The following CA12 variants were observed in gnomAD, a reference collection of about 807,000 sequenced individuals.
The protein encoded by CA12 is carbonic anhydrase 12.
CA12 carries 36 observed loss-of-function variants against 46.8 expected under a neutral mutation model. That is an observed-to-expected ratio of 0.77 (90% confidence interval 0.59 to 1.02). CA12 has a LOEUF of 1.02. Among genes scored for constraint, CA12 ranks in the 50% least tolerant of loss-of-function variants. CA12 has a pLI of 0.00. For missense variants in CA12, 436 were observed against 451.4 expected (o/e 0.97, Z 0.31); for synonymous variants, 202 against 187.0 (o/e 1.08, Z -0.65).
Position 63,325,954 on chromosome 15 carries a change from G to T in CA12, c.*331C>A. On this transcript the variant is annotated 3_prime_UTR_variant, in exon 11 of 11. Transcript: ENST00000178638. The surrounding 1 kb of genome is among the most constrained non-coding windows in gnomAD (Gnocchi z 4.9). ...AGCACGCTCTGGCAAAGCCCCGGAT[G>T]AAAGTGTTTTCCAACCATTAATGGC... The T allele has an allele frequency of 2.9e-6, 1 of 344,378 alleles. No individual in the cohort carries two copies. The highest frequency in any genetic ancestry group is 3.2e-5 in the South Asian group (1 of 30,792). The allele number at this position is 344,378 out of a possible 1,614,324, so 21.3% of individuals were successfully genotyped here. A position where few individuals can be genotyped will look rare whatever the true frequency, so the allele number is the denominator to read the frequency against.
rs1294971117 is a variant in CA12, at chr15:63,340,341, G to T, written c.694C>A (p.Pro232Thr). 6 of 1,614,048 alleles carry T rather than the reference G, an allele frequency of 3.7e-6. No homozygotes were observed. The highest frequency in any genetic ancestry group is 4.2e-6 in the Non-Finnish European group (5 of 1,180,038). ...RGSLTTPPCN[P>T]TVLWTVFRNP... ...CGGAAAACTGTCCAGAGCACAGTGG[G>T]GTTGCAAGGGGGTGTGGTCAGGGAC... Residue 232 changes from proline to threonine, a missense_variant, in exon 7 of 11, where the codon CCC (proline) becomes ACC (threonine). Coordinates refer to ENST00000178638, the MANE Select transcript of CA12 (RefSeq NM_001218.5). The surrounding 1 kb of genome is among the most constrained non-coding windows in gnomAD (Gnocchi z 4.4).
At position 63,340,089 on chromosome 15, in the gene CA12, A is replaced by T; in HGVS notation, c.747+199T>A. On this transcript the variant is annotated intron_variant, in intron 7 of 10. Transcript: ENST00000178638. The surrounding 1 kb of genome is among the most constrained non-coding windows in gnomAD (Gnocchi z 4.4). The stretch of plus-strand genomic sequence containing the variant: ...TTTAAAAAAGAACTAGGAGACATCT[A>T]TTCATTTGCCTAGCTTGACTTCTTT... 3.1e-6 allele frequency: 2 copies of T among 652,516 alleles called. No individual in the cohort carries two copies. Among genetic ancestry groups the T allele is most frequent in the South Asian group, 3.6e-5 (2 of 55,486 alleles). The allele number at this position is 652,516 out of a possible 1,614,324, so 40.4% of individuals were successfully genotyped here.
intron 8 of CA12, among the ~76,000 whole-genome samples, chr15:63,336,185 G>A (rs1567042401): frequency 6.6e-6 from 1 of 152,206 alleles, no homozygotes; most frequent in Non-Finnish European, 1.5e-5. Context: ...CCTAAGCTGG[G>A]AGATGGTCTC....
rs57210378 is a variant in CA12, at chr15:63,328,338, C to CTTT, written c.875-211_875-209dup. ...ACTGCAATCCCTCCTTCCGATGCTCCTTTTTTTTTTTTTTTTGAGATGGAA... is the reference window on the plus strand; with the variant it reads ...ACTGCAATCCCTCCTTCCGATGCTCCTTTTTTTTTTTTTTTTTTTGAGATGGAA... On this transcript the variant is annotated intron_variant, in intron 8 of 10. Coordinates refer to ENST00000178638, the MANE Select transcript of CA12 (RefSeq NM_001218.5). This position sits in a 1 kb window ranked among gnomAD's most constrained non-coding sequence, Gnocchi z 5.9. 3.6e-5 allele frequency among the ~76,000 whole-genome samples: 5 copies of CTTT among 140,408 alleles called. No individual in the cohort carries two copies. Among genetic ancestry groups the CTTT allele is most frequent in the African/African-American group, 1.0e-4 (4 of 38,140 alleles). The allele number at this position is 140,408 out of a possible 152,430, so 92.1% of individuals were successfully genotyped here. A position where few individuals can be genotyped will look rare whatever the true frequency, so the allele number is the denominator to read the frequency against.
chr15:63,367,985 C>T (rs2039456616), intron 2 of CA12, among the ~76,000 whole-genome samples: 1 of 152,202 alleles, frequency 6.6e-6, no homozygotes, highest in Admixed American at 6.5e-5. Flanking sequence ...CATGATTCCC[C>T]ATCATACTTA....
intron 2 of CA12, among the ~76,000 whole-genome samples, chr15:63,370,476 G>A (rs2039489346): frequency 6.8e-6 from 1 of 146,130 alleles, no homozygotes; most frequent in Non-Finnish European, 1.5e-5. Flanking sequence ...AGAAAAGATA[G>A]GAAAAGCATA....
chr15:63,364,353 A>AAAAAAAG (rs2039412235), intron 2 of CA12, among the ~76,000 whole-genome samples: 1 of 149,812 alleles, frequency 6.7e-6, no homozygotes, highest in Non-Finnish European at 1.5e-5. Flanking sequence ...AAAAAAAAAA[A>AAAAAAAG]AACAGTGGGA....
At chr15:63,357,077 G>T (rs1398247492) in intron 2 of CA12, among the ~76,000 whole-genome samples, 1 of 152,176 alleles carries the variant, frequency 6.6e-6, no homozygotes, top group African/African-American at 2.4e-5. Flanking sequence ...GAGAGGAGCT[G>T]GGATAGGTCT....
chr15:63,337,677 G>A (rs1209139574), intron 8 of CA12, among the ~76,000 whole-genome samples: 1 of 152,088 alleles, frequency 6.6e-6, no homozygotes, highest in Non-Finnish European at 1.5e-5. Flanking sequence ...GGCTGGTCTC[G>A]AAATCCTGAC....
Position 63,326,403 on chromosome 15 carries a change from C to T in CA12, c.993-46G>A, listed in dbSNP as rs377000990. The T allele has an allele frequency of 6.1e-4, 920 of 1,509,558 alleles. 8 individuals carry two copies. In the South Asian group the frequency reaches 9.1e-3, roughly 15 times the overall value. 93.5% of individuals were successfully genotyped at this position (1,509,558 alleles called of 1,614,324 possible). ...AACTCTTGTTAGAGAGGAGAGCGAG[C>T]GAGCCAGAGAGCAGCCTGACTCAGG... On this transcript the variant is annotated intron_variant, in intron 10 of 10. Coordinates refer to ENST00000178638, the MANE Select transcript of CA12 (RefSeq NM_001218.5).
At chr15:63,375,759 G>T in intron 1 of CA12, 81 bp from the exon 2 acceptor site, 2 of 994,154 alleles carry the variant, frequency 2.0e-6, no homozygotes, top group South Asian at 2.9e-5. Flanking sequence ...GTTTTGATAT[G>T]AGCGAAATTG....
chr15:63,334,223 C>T (rs1428165792), intron 8 of CA12, among the ~76,000 whole-genome samples: 1 of 144,464 alleles, frequency 6.9e-6, no homozygotes, highest in African/African-American at 2.6e-5. Context: ...AATCTTCCAA[C>T]TGCCACTTGG....
chr15:63,377,049 C>T (rs145075291), intron 1 of CA12, among the ~76,000 whole-genome samples: 2 of 152,208 alleles, frequency 1.3e-5, no homozygotes, highest in South Asian at 2.1e-4. Context: ...ACAAAAGTCA[C>T]CCACTACTTC....
intron 2 of CA12, among the ~76,000 whole-genome samples, chr15:63,350,479 T>C (rs1361616952): frequency 6.6e-6 from 1 of 152,208 alleles, no homozygotes; most frequent in African/African-American, 2.4e-5. Flanking sequence ...TGACTTCGCC[T>C]CTCCAGTTGG....
At position 63,324,687 on chromosome 15, in the gene CA12, A is replaced by ATT. The variant is rs746508810; in HGVS notation, c.*1596_*1597dup. On this transcript the variant is annotated 3_prime_UTR_variant, in exon 11 of 11. Transcript: ENST00000178638. ...TGAAAAGTTGTGATGGTACAGAATA[A>ATT]TTTTTTTTTTTTTTTTTTTGAGATG... 0.067 allele frequency: 8,914 copies of ATT among 132,486 alleles called. 526 individuals carry two copies. Among genetic ancestry groups the ATT allele is most frequent in the African/African-American group, 0.13 (4,559 of 34,928 alleles). The allele number at this position is 132,486 out of a possible 1,614,324, so 8.2% of individuals were successfully genotyped here.
chr15:63,376,295 T>C (rs991355870), intron 1 of CA12, among the ~76,000 whole-genome samples: 2 of 152,184 alleles, frequency 1.3e-5, no homozygotes, highest in African/African-American at 2.4e-5. Context: ...TAATTTCATG[T>C]GGCTCAAAAC....
chr15:63,354,242 C>A (rs1408815665), intron 2 of CA12, among the ~76,000 whole-genome samples: 1 of 151,980 alleles, frequency 6.6e-6, no homozygotes, highest in Non-Finnish European at 1.5e-5. Flanking sequence ...GAGGTGGTCC[C>A]GGGACAGTGA....
rs188056582 is a variant in CA12 at position 63,358,083 on chromosome 15, T to C, written c.107-11374A>G. Among the ~76,000 whole-genome samples, 10 of 152,370 alleles carry C rather than the reference T, an allele frequency of 6.6e-5. No individual in the cohort carries two copies. The East Asian group carries it at 1.7e-3, about 26-fold the overall frequency. ...ATATCACAATTTGGTTATTCATTCA[T>C]AGGACTGCATTTTATTGTAGTTTAA... On this transcript the variant is annotated intron_variant, in intron 2 of 10. Coordinates refer to ENST00000178638, the MANE Select transcript of CA12 (RefSeq NM_001218.5).
intron 3 of CA12, among the ~76,000 whole-genome samples, chr15:63,346,060 C>T (rs189499111): frequency 5.0e-4 from 76 of 152,306 alleles, no homozygotes; most frequent in Non-Finnish European, 8.5e-4. Context: ...CCAGTCTTCA[C>T]GGTATCCATC....
Sources: gnomAD v4.1 joint callset for allele counts (sites outside exome capture counted in the v4.1 genomes callset) on GRCh38, gnomAD v4.1.1 for gene constraint, Gnocchi (gnomAD v3.1) non-coding constraint, MANE v1.5 for transcripts, NCBI Gene and HGNC (gene_info 2026-07-23, HGNC 2026-07-21) for gene names.